The following LNX1 variants were observed in gnomAD, a reference collection of about 807,000 sequenced individuals.
LNX1 encodes the protein E3 ubiquitin-protein ligase LNX.
LNX1 carries 54 observed loss-of-function variants against 68.4 expected under a neutral mutation model. That is an observed-to-expected ratio of 0.79 (90% CI 0.63 to 0.99). The LOEUF (loss-of-function observed/expected upper bound fraction) is 0.99, where lower values mean the gene tolerates loss of function less well. Among genes scored for constraint, LNX1 ranks in the 50% least tolerant of loss-of-function variants. LNX1 has a pLI of 0.00. For missense variants in LNX1, 906 were observed against 926.4 expected (o/e 0.98, Z 0.29); for synonymous variants, 336 against 350.0 (o/e 0.96, Z 0.45).
intron 2 of LNX1, among the ~76,000 whole-genome samples, chr4:53,517,920 G>A (rs1260005916): frequency 1.3e-5 from 2 of 151,980 alleles, no homozygotes; most frequent in Non-Finnish European, 2.9e-5. Flanking sequence ...AATGGCCCTC[G>A]CCCCAGAGGA....
chr4:53,575,291 C>A (rs1323048634), intron 1 of LNX1, among the ~76,000 whole-genome samples: 1 of 152,156 alleles, frequency 6.6e-6, no homozygotes, highest in East Asian at 1.9e-4. Context: ...CTAGATATTT[C>A]TTTTAAACAG....
chr4:53,587,261 C>T (rs1577763275), intron 1 of LNX1, among the ~76,000 whole-genome samples: 1 of 152,308 alleles, frequency 6.6e-6, no homozygotes. Flanking sequence ...CGGGAGACAA[C>T]AAACGTTTTC....
chr4:53,508,952 C>T (rs142817216), intron 2 of LNX1, among the ~76,000 whole-genome samples: 98 of 152,180 alleles, frequency 6.4e-4, no homozygotes, highest in African/African-American at 2.3e-3. Context: ...AAAAAAAATC[C>T]AGAAAACTCC....
At chr4:53,542,896 C>T (rs1212565825) in intron 2 of LNX1, among the ~76,000 whole-genome samples, 2 of 152,212 alleles carry the variant, frequency 1.3e-5, no homozygotes, top group African/African-American at 4.8e-5. Context: ...GTAGAGGGAA[C>T]TGATGGTCAT....
chr4:53,465,253 A>AAAAT (rs1203070253), intron 9 of LNX1, among the ~76,000 whole-genome samples: 1 of 152,190 alleles, frequency 6.6e-6, no homozygotes, highest in Non-Finnish European at 1.5e-5. Flanking sequence ...TCTTGCAGAG[A>AAAAT]AAATAAGGGT....
Position 53,461,347 on chromosome 4 carries a change from A to T in LNX1, c.2051+88T>A, listed in dbSNP as rs919611317. 2.2e-5 allele frequency: 23 copies of T among 1,061,370 alleles called. No individual in the cohort carries two copies. In the African/African-American group the frequency reaches 3.6e-4, roughly 17 times the overall value. 65.7% of individuals were successfully genotyped at this position (1,061,370 alleles called of 1,614,324 possible). A position where few individuals can be genotyped will look rare whatever the true frequency, so the allele number is the denominator to read the frequency against. On this transcript the variant is annotated intron_variant, in intron 10 of 10. Transcript: ENST00000263925. ...TTTTAATCCCCACAAAGTATAATAAATACATGCCTTATCTCAAATGGGGCC... is the reference window on the plus strand; with the variant it reads ...TTTTAATCCCCACAAAGTATAATAATTACATGCCTTATCTCAAATGGGGCC...
At chr4:53,557,886 AG>A (rs1172168572) in intron 2 of LNX1, 6 of 1,613,324 alleles carry the variant, frequency 3.7e-6, no homozygotes, top group Non-Finnish European at 5.1e-6. Flanking sequence ...TTCTGAATAC[AG>A]GAAGTGCAGG....
chr4:53,621,483 A>G (rs1733879503), upstream of LNX1, among the ~76,000 whole-genome samples: 3 of 152,162 alleles, frequency 2.0e-5, no homozygotes, highest in Admixed American at 2.0e-4. Flanking sequence ...GTGCTCGGTC[A>G]ATGTTCATTT....
At chr4:53,506,069 A>G (rs1560633233) in intron 4 of LNX1, among the ~76,000 whole-genome samples, 2 of 152,226 alleles carry the variant, frequency 1.3e-5, no homozygotes, top group African/African-American at 2.4e-5. Context: ...TAATACATAC[A>G]GTGGTTTGGG....
intron 9 of LNX1, among the ~76,000 whole-genome samples, chr4:53,467,912 ACT>A (rs2150563845): frequency 6.6e-6 from 1 of 152,374 alleles, no homozygotes; most frequent in South Asian, 2.1e-4. Flanking sequence ...GTTGGAAAAC[ACT>A]CTGCAAGATA....
At chr4:53,514,880 G>C (rs1384921820) in intron 2 of LNX1, among the ~76,000 whole-genome samples, 1 of 152,092 alleles carries the variant, frequency 6.6e-6, no homozygotes, top group Non-Finnish European at 1.5e-5. Flanking sequence ...TTGGGTTATT[G>C]ACCTCAAGAG....
upstream of LNX1, among the ~76,000 whole-genome samples, chr4:53,622,097 T>A (rs1165481590): frequency 6.6e-6 from 1 of 152,188 alleles, no homozygotes; most frequent in African/African-American, 2.4e-5. Context: ...CAAGTTACAC[T>A]AAGTTATATG....
chr4:53,486,556 T>C (rs530456127), intron 6 of LNX1, among the ~76,000 whole-genome samples: 18 of 152,210 alleles, frequency 1.2e-4, no homozygotes, highest in African/African-American at 4.3e-4. Context: ...GTTCCTGCCC[T>C]CCCGGAATGT....
chr4:53,507,772 C>T (rs1726011697), intron 3 of LNX1, among the ~76,000 whole-genome samples: 1 of 152,106 alleles, frequency 6.6e-6, no homozygotes, highest in African/African-American at 2.4e-5. Flanking sequence ...CTAGTTTCAG[C>T]CCCTTTCACC....
intron 9 of LNX1, among the ~76,000 whole-genome samples, chr4:53,468,371 C>T (rs1722868886): frequency 1.3e-5 from 2 of 152,180 alleles, no homozygotes; most frequent in Admixed American, 1.3e-4. Flanking sequence ...ACAACCGTTA[C>T]CAGCTACTGC....
upstream of LNX1, chr4:53,591,680 CTT>C (rs532049430): frequency 4.8e-5 from 31 of 641,004 alleles, no homozygotes; most frequent in African/African-American, 6.1e-4. Context: ...GGTGGCGTCT[CTT>C]TGTGGACAAA....
chr4:53,598,261 C>G (rs1244243811), intron 2 of LNX1, among the ~76,000 whole-genome samples: 1 of 148,650 alleles, frequency 6.7e-6, no homozygotes, highest in Non-Finnish European at 1.5e-5. Flanking sequence ...GAGACAGGGT[C>G]TTGCTTTGTT....
At chr4:53,474,514 A>G (rs1248388542) in intron 9 of LNX1, among the ~76,000 whole-genome samples, 2 of 152,238 alleles carry the variant, frequency 1.3e-5, no homozygotes, top group African/African-American at 2.4e-5. Flanking sequence ...CTGACATAGA[A>G]TACACAAGAA....
At chr4:53,510,425 C>A (rs1310043824) in intron 2 of LNX1, among the ~76,000 whole-genome samples, 2 of 152,202 alleles carry the variant, frequency 1.3e-5, no homozygotes, top group East Asian at 3.8e-4. Flanking sequence ...ACCTTATGTC[C>A]TCATCTTCTA....
Sources: gnomAD v4.1 joint callset for allele counts (sites outside exome capture counted in the v4.1 genomes callset) on GRCh38, gnomAD v4.1.1 for gene constraint, MANE v1.5 for transcripts, NCBI Gene and HGNC (gene_info 2026-07-23, HGNC 2026-07-21) for gene names.